AKT3: variants seen among roughly 807,000 people sequenced by gnomAD.
AKT3 encodes the protein AKT serine/threonine kinase 3, also known as RAC-gamma serine/threonine-protein kinase.
A neutral mutation model predicts 65.3 loss-of-function variants in AKT3; 15 were observed. The observed-to-expected ratio is 0.23, with a 90% CI of 0.15 to 0.35. The LOEUF (loss-of-function observed/expected upper bound fraction) is 0.35, where lower values mean the gene tolerates loss of function less well. AKT3 is among the 10% of genes least tolerant of loss of function. The pLI is 1.00. For synonymous variants in AKT3, 206 were observed against 183.8 expected, an observed-to-expected ratio of 1.12 and a Z score of -0.98; for missense variants, 243 against 576.5, an observed-to-expected ratio of 0.42 and a Z score of 5.92.
intron 6 of AKT3, among the ~76,000 whole-genome samples, chr1:243,629,804 T>C (rs977094148): frequency 6.6e-6 from 1 of 151,718 alleles, no homozygotes; most frequent in Non-Finnish European, 1.5e-5. Context: ...AAAATAAAAA[T>C]AAAAAAGATA....
intron 6 of AKT3, among the ~76,000 whole-genome samples, chr1:243,626,114 G>A (rs1199519470): frequency 6.6e-6 from 1 of 152,120 alleles, no homozygotes; most frequent in East Asian, 1.9e-4. Context: ...GACTGAAGGG[G>A]CCCCGCTAGG....
At chr1:243,838,265 A>G (rs1695021894) in intron 2 of AKT3, among the ~76,000 whole-genome samples, 1 of 152,164 alleles carries the variant, frequency 6.6e-6, no homozygotes, top group Admixed American at 6.5e-5. Flanking sequence ...CAATACCATT[A>G]GAAAATAAAT....
chr1:243,595,793 A>T (rs948667935), intron 8 of AKT3, among the ~76,000 whole-genome samples: 2 of 152,104 alleles, frequency 1.3e-5, no homozygotes, highest in African/African-American at 4.8e-5. Context: ...TTGGAATATC[A>T]CCTGAAGGAC....
chr1:243,819,171 C>T (rs994151435), intron 2 of AKT3, among the ~76,000 whole-genome samples: 3 of 152,230 alleles, frequency 2.0e-5, no homozygotes, highest in African/African-American at 7.2e-5. Flanking sequence ...ACTGCGGCTG[C>T]CTGCTGTCCA....
chr1:243,629,709 G>A (rs934568359), intron 6 of AKT3, among the ~76,000 whole-genome samples: 16 of 152,122 alleles, frequency 1.1e-4, no homozygotes, highest in Admixed American at 7.9e-4. Flanking sequence ...GGAGAATGGC[G>A]TGAACCCAGG....
intron 2 of AKT3, among the ~76,000 whole-genome samples, chr1:243,710,649 G>A (rs548667339): frequency 2.0e-5 from 3 of 152,190 alleles, no homozygotes; most frequent in Non-Finnish European, 2.9e-5. Flanking sequence ...AATTTGAAAA[G>A]AAAAATGTAA....
chr1:243,549,557 T>C (rs1672899508), intron 11 of AKT3, among the ~76,000 whole-genome samples: 1 of 152,142 alleles, frequency 6.6e-6, no homozygotes, highest in African/African-American at 2.4e-5. Context: ...GCCTCCCAAG[T>C]AGCTGGGACT....
intron 3 of AKT3, among the ~76,000 whole-genome samples, chr1:243,692,751 ATG>A (rs1204479505): frequency 3.3e-5 from 5 of 151,974 alleles, no homozygotes; most frequent in South Asian, 2.1e-4. Context: ...AAAAAAATTT[ATG>A]TGTTTTTTTG....
At chr1:243,788,040 C>A (rs867602923) in intron 2 of AKT3, among the ~76,000 whole-genome samples, 15 of 151,970 alleles carry the variant, frequency 9.9e-5, no homozygotes, top group African/African-American at 3.6e-4. Flanking sequence ...CATTTGAGAA[C>A]CCTATTCTAA....
intron 2 of AKT3, among the ~76,000 whole-genome samples, chr1:243,795,534 G>C (rs1308305566): frequency 2.8e-5 from 4 of 142,116 alleles, no homozygotes; most frequent in Non-Finnish European, 6.1e-5. Flanking sequence ...TGCAGTGGCG[G>C]GATCTCGGCT....
intron 9 of AKT3, among the ~76,000 whole-genome samples, chr1:243,565,210 A>C (rs186594330): frequency 6.6e-6 from 1 of 152,316 alleles, no homozygotes; most frequent in Admixed American, 6.5e-5. Context: ...ATGAACACAT[A>C]AAATATACTG....
intron 3 of AKT3, among the ~76,000 whole-genome samples, chr1:243,679,546 A>G (rs947564089): frequency 2.0e-5 from 3 of 152,212 alleles, no homozygotes; most frequent in Admixed American, 2.0e-4. Flanking sequence ...GTTGTCAAGT[A>G]ATATTACACT....
chr1:243,490,215 T>A (rs976011961), intron 13 of AKT3, among the ~76,000 whole-genome samples: 1 of 152,246 alleles, frequency 6.6e-6, no homozygotes, highest in Non-Finnish European at 1.5e-5. Flanking sequence ...GCCAAACATG[T>A]GTTCACAGAC....
At position 243,503,623 on chromosome 1, in the gene AKT3, A is replaced by G. The variant is rs1280494207; in HGVS notation, c.*1626T>C. 1 of 232,796 alleles carries G rather than the reference A, an allele frequency of 4.3e-6. No homozygotes were observed. The highest frequency in any genetic ancestry group is 6.1e-5 in the East Asian group (1 of 16,468). 14.4% of individuals were successfully genotyped at this position (232,796 alleles called of 1,614,324 possible). A position where few individuals can be genotyped will look rare whatever the true frequency, so the allele number is the denominator to read the frequency against. ...AGATCATCATTAATGAAGGAGAAAG[A>G]TGAGGTTTGCATACATGCCCCCTTT... On this transcript the variant is annotated 3_prime_UTR_variant, in exon 14 of 14. Transcript: ENST00000673466.
At chr1:243,550,245 G>A (rs1245891784) in intron 11 of AKT3, among the ~76,000 whole-genome samples, 2 of 152,138 alleles carry the variant, frequency 1.3e-5, no homozygotes, top group Non-Finnish European at 2.9e-5. Context: ...TCTGTATTTT[G>A]ATGCAGCAGT....
intron 8 of AKT3, among the ~76,000 whole-genome samples, chr1:243,582,762 T>C (rs1241918053): frequency 2.0e-5 from 3 of 152,056 alleles, no homozygotes; most frequent in African/African-American, 7.2e-5. Flanking sequence ...CATAACAGTA[T>C]TAGCTTTGAA....
intron 8 of AKT3, among the ~76,000 whole-genome samples, chr1:243,602,877 G>A (rs183201546): frequency 7.0e-4 from 106 of 152,262 alleles, no homozygotes; most frequent in East Asian, 1.2e-3. Context: ...CTCCCCTAAT[G>A]AATCTTTAAC....
intron 8 of AKT3, among the ~76,000 whole-genome samples, chr1:243,581,645 A>T (rs1034466211): frequency 2.6e-5 from 4 of 152,126 alleles, no homozygotes; most frequent in African/African-American, 9.7e-5. Context: ...GGGTCTCCAG[A>T]TAAGAAAAAA....
intron 6 of AKT3, among the ~76,000 whole-genome samples, chr1:243,628,982 T>C (rs558802520): frequency 3.9e-5 from 6 of 152,268 alleles, no homozygotes; most frequent in African/African-American, 1.2e-4. Flanking sequence ...AAAACTAGAC[T>C]ATTAAATGGA....
Sources: gnomAD v4.1 joint callset for allele counts (sites outside exome capture counted in the v4.1 genomes callset) on GRCh38, gnomAD v4.1.1 for gene constraint, MANE v1.5 for transcripts, NCBI Gene and HGNC (gene_info 2026-07-23, HGNC 2026-07-21) for gene names.